The following EYS variants were observed in gnomAD, a reference collection of about 807,000 sequenced individuals.
The protein encoded by EYS is EGF-like photoreceptor maintenance factor.
A neutral mutation model predicts 282.1 loss-of-function variants in EYS; 250 were observed. That is an observed-to-expected ratio of 0.89 (90% CI 0.80 to 0.98). The LOEUF (loss-of-function observed/expected upper bound fraction) is 0.98, where lower values mean the gene tolerates loss of function less well. Ranked by LOEUF, EYS falls within the 50% of genes least tolerant of loss-of-function variation. The probability of loss-of-function intolerance (pLI) is 0.00; values close to 1 mark genes in which losing one functional copy is unlikely to be tolerated. For missense variants in EYS, 4,016 were observed against 3,709.0 expected (o/e 1.08, Z -2.15); for synonymous variants, 1,355 against 1,282.9 (o/e 1.06, Z -1.20).
chr6:65,677,105 G>GAAA (rs58880200), intron 1 of EYS, among the ~76,000 whole-genome samples: 214 of 107,482 alleles, frequency 2.0e-3, no homozygotes, highest in Non-Finnish European at 2.7e-3. Flanking sequence ...AGTCATTGGT[G>GAAA]AAAAAAAAAA....
chr6:63,727,737 A>AAATATATATATAT (rs1554164607), intron 41 of EYS, among the ~76,000 whole-genome samples: 1 of 36,738 alleles, frequency 2.7e-5, no homozygotes, highest in African/African-American at 2.7e-4. Flanking sequence ...AAAAAAAAAA[A>AAATATATATATAT]ATATATATAT....
intron 36 of EYS, among the ~76,000 whole-genome samples, chr6:63,833,736 G>C (rs1224683857): frequency 6.6e-6 from 1 of 152,136 alleles, no homozygotes; most frequent in East Asian, 1.9e-4. Context: ...AACCAAAAAA[G>C]AGCCCACATT....
chr6:63,809,318 G>T (rs1056981546), intron 36 of EYS, among the ~76,000 whole-genome samples: 1 of 152,098 alleles, frequency 6.6e-6, no homozygotes, highest in African/African-American at 2.4e-5. Flanking sequence ...TCCATCTTCC[G>T]CCAGGTAACA....
At chr6:65,323,011 T>C (rs1170643082) in intron 11 of EYS, among the ~76,000 whole-genome samples, 2 of 151,876 alleles carry the variant, frequency 1.3e-5, no homozygotes, top group Non-Finnish European at 2.9e-5. Context: ...TTTTCCCTTA[T>C]AATTTTAACA....
chr6:63,770,527 C>T (rs906584401), intron 40 of EYS, among the ~76,000 whole-genome samples: 8 of 152,004 alleles, frequency 5.3e-5, no homozygotes, highest in Admixed American at 2.6e-4. Flanking sequence ...TAGCAATGGG[C>T]GATCACACGA....
chr6:64,247,695 CG>C (rs1767063555), intron 30 of EYS, among the ~76,000 whole-genome samples: 1 of 151,992 alleles, frequency 6.6e-6, no homozygotes, highest in Admixed American at 6.6e-5. Flanking sequence ...ACTCTATACC[CG>C]TACTGCTCTA....
chr6:65,690,532 G>C lies in EYS; in HGVS notation c.-448+16603C>G, dbSNP rs1419749493. On this transcript the variant is annotated intron_variant, in intron 1 of 42. Coordinates refer to ENST00000503581, the MANE Select transcript of EYS (RefSeq NM_001142800.2). ...CACGTCCATTCATAGGCTCTCTGCA[G>C]GCGGAAGCACATCACGCGCTGTTGG... Among the ~76,000 whole-genome samples, 3 of 150,154 alleles carry C rather than the reference G, an allele frequency of 2.0e-5. 1 individual carries two copies. In the East Asian group the frequency reaches 6.9e-4, roughly 35 times the overall value.
At chr6:63,942,624 T>TC (rs1765276110) in intron 35 of EYS, among the ~76,000 whole-genome samples, 3 of 152,168 alleles carry the variant, frequency 2.0e-5, no homozygotes, top group Admixed American at 2.0e-4. Context: ...TTGAATTCTT[T>TC]TAGGACATGG....
intron 2 of EYS, among the ~76,000 whole-genome samples, chr6:65,619,577 C>T (rs1303097684): frequency 6.6e-6 from 1 of 152,088 alleles, no homozygotes; most frequent in Non-Finnish European, 1.5e-5. Context: ...CTGGCCAGAA[C>T]TTCCAACACT....
intron 35 of EYS, among the ~76,000 whole-genome samples, chr6:63,915,636 C>T (rs1343671001): frequency 6.6e-6 from 1 of 152,182 alleles, no homozygotes; most frequent in Non-Finnish European, 1.5e-5. Flanking sequence ...AAAGAATTCA[C>T]CATTCTATAT....
chr6:65,380,017 T>C (rs551914493), intron 8 of EYS, among the ~76,000 whole-genome samples: 2 of 151,434 alleles, frequency 1.3e-5, no homozygotes, highest in Admixed American at 6.6e-5. Flanking sequence ...ACAGGAAAAA[T>C]CAATATTGTG....
intron 26 of EYS, among the ~76,000 whole-genome samples, chr6:64,498,318 C>G (rs2150510229): frequency 6.6e-6 from 1 of 152,216 alleles, no homozygotes; most frequent in South Asian, 2.1e-4. Context: ...GGTAACAAAG[C>G]TAATAGGTCC....
At chr6:64,391,102 C>G (rs572694751) in intron 28 of EYS, among the ~76,000 whole-genome samples, 3 of 152,078 alleles carry the variant, frequency 2.0e-5, no homozygotes, top group Non-Finnish European at 2.9e-5. Flanking sequence ...AGGAGCAAAG[C>G]CTCCAAGAAA....
chr6:64,393,733 G>A (rs921364857), intron 28 of EYS, among the ~76,000 whole-genome samples: 1 of 151,494 alleles, frequency 6.6e-6, no homozygotes, highest in Non-Finnish European at 1.5e-5. Flanking sequence ...AGACAGGGAT[G>A]CCCTCTCTCA....
intron 31 of EYS, among the ~76,000 whole-genome samples, chr6:64,179,366 A>C (rs966431265): frequency 3.3e-5 from 5 of 152,114 alleles, no homozygotes; most frequent in Admixed American, 1.3e-4. Context: ...AAAAAGACCT[A>C]AAATGCCAAT....
At chr6:65,155,273 G>T (rs1467227511) in intron 12 of EYS, among the ~76,000 whole-genome samples, 1 of 151,408 alleles carries the variant, frequency 6.6e-6, no homozygotes, top group African/African-American at 2.4e-5. Context: ...CTACTACACT[G>T]ACATGTAGGT....
intron 12 of EYS, among the ~76,000 whole-genome samples, chr6:65,202,566 C>T (rs963904459): frequency 6.6e-6 from 1 of 152,094 alleles, no homozygotes; most frequent in Non-Finnish European, 1.5e-5. Flanking sequence ...AAGATGACAT[C>T]TGCGGCCTGA....
chr6:65,194,529 T>C (rs1201551969), intron 12 of EYS, among the ~76,000 whole-genome samples: 2 of 152,032 alleles, frequency 1.3e-5, no homozygotes, highest in African/African-American at 2.4e-5. Flanking sequence ...TGTGTTTTCC[T>C]CCATTTATGC....
At chr6:65,380,072 TC>T (rs960629290) in intron 8 of EYS, among the ~76,000 whole-genome samples, 1 of 151,970 alleles carries the variant, frequency 6.6e-6, no homozygotes, top group African/African-American at 2.4e-5. Context: ...TCAATGCTAT[TC>T]CCATCAATCT....
Sources: gnomAD v4.1 joint callset for allele counts (sites outside exome capture counted in the v4.1 genomes callset) on GRCh38, gnomAD v4.1.1 for gene constraint, MANE v1.5 for transcripts, NCBI Gene and HGNC (gene_info 2026-07-23, HGNC 2026-07-21) for gene names.